Variants in LOC400499 observed in about 807,000 individuals in gnomAD.
chr16:11,383,657 GGGCCAGGGGTAC>G, the LOC400499 span: 1 of 1,232,274 alleles, frequency 8.1e-7, no homozygotes, highest in South Asian at 4.1e-5. Flanking sequence ...TGTGGAGGAG[GGGCCAGGGGTAC>G]GAATCCACGG....
the LOC400499 span, among the ~76,000 whole-genome samples, chr16:11,402,566 A>C: frequency 3.3e-5 from 5 of 152,304 alleles, no homozygotes; most frequent in East Asian, 9.7e-4. Flanking sequence ...CATGAGAACA[A>C]ACCCTGCTGG....
the LOC400499 span, chr16:11,516,100 G>A: frequency 5.0e-6 from 2 of 399,392 alleles, no homozygotes; most frequent in Non-Finnish European, 8.8e-6. Flanking sequence ...CAACCTTCTG[G>A]CCACCTCTAC....
chr16:11,381,381 G>A, the LOC400499 span, among the ~76,000 whole-genome samples: 2 of 152,040 alleles, frequency 1.3e-5, no homozygotes, highest in Non-Finnish European at 2.9e-5. Flanking sequence ...GAGTACAAGT[G>A]TGAGCCACCA....
At chr16:11,492,152 C>A in the LOC400499 span, among the ~76,000 whole-genome samples, 2 of 152,210 alleles carry the variant, frequency 1.3e-5, no homozygotes, top group Admixed American at 6.5e-5. Context: ...TCTCGCCACA[C>A]AGGAGGCCTT....
the LOC400499 span, chr16:11,392,353 C>A: frequency 5.0e-6 from 2 of 399,022 alleles, no homozygotes; most frequent in South Asian, 2.5e-4. Context: ...GGCAGCCGCG[C>A]GCGGCCAGCA....
the LOC400499 span, chr16:11,460,183 A>AC: frequency 2.5e-6 from 2 of 807,812 alleles, no homozygotes; most frequent in Admixed American, 4.0e-5. Context: ...AGAAAGCACT[A>AC]TTTTTTTTTA....
At chr16:11,397,107 G>A in the LOC400499 span, among the ~76,000 whole-genome samples, 1 of 152,138 alleles carries the variant, frequency 6.6e-6, no homozygotes, top group Non-Finnish European at 1.5e-5. Flanking sequence ...ACTGGAATGC[G>A]CCACCCAGGA....
At chr16:11,446,552 T>G in the LOC400499 span, 4 of 1,535,926 alleles carry the variant, frequency 2.6e-6, no homozygotes, top group Admixed American at 5.9e-5. Context: ...GCTCTTACCG[T>G]GTGCTGATTC....
At chr16:11,416,167 C>A in the LOC400499 span, among the ~76,000 whole-genome samples, 1 of 151,958 alleles carries the variant, frequency 6.6e-6, no homozygotes, top group Non-Finnish European at 1.5e-5. Flanking sequence ...CCAGGCTAGT[C>A]TCGAACTCCT....
chr16:11,382,919 C>T, the LOC400499 span, among the ~76,000 whole-genome samples: 1 of 147,298 alleles, frequency 6.8e-6, no homozygotes, highest in Non-Finnish European at 1.5e-5. Context: ...AAAGGAGCAC[C>T]TGAGGCTGGG....
At chr16:11,449,244 C>T in the LOC400499 span, 1 of 741,948 alleles carries the variant, frequency 1.3e-6, no homozygotes, top group Non-Finnish European at 1.9e-6. Flanking sequence ...TCTCTGACGC[C>T]TAACCTGACT....
the LOC400499 span, among the ~76,000 whole-genome samples, chr16:11,480,897 A>G: frequency 6.6e-6 from 1 of 152,232 alleles, no homozygotes. Context: ...AGTCAGACAC[A>G]AAAAGAAGTA....
chr16:11,488,916 G>C, the LOC400499 span: 11 of 398,466 alleles, frequency 2.8e-5, no homozygotes, highest in Non-Finnish European at 4.9e-5. Context: ...GAAAGGGCCA[G>C]GAGCTGGCGC....
At chr16:11,453,121 T>C in the LOC400499 span, among the ~76,000 whole-genome samples, 1 of 151,990 alleles carries the variant, frequency 6.6e-6, no homozygotes, top group Admixed American at 6.6e-5. Flanking sequence ...TCCAGGAGAG[T>C]CAAGAGGTGG....
At chr16:11,457,815 CA>C in the LOC400499 span, among the ~76,000 whole-genome samples, 1 of 152,162 alleles carries the variant, frequency 6.6e-6, no homozygotes, top group Non-Finnish European at 1.5e-5. Context: ...TCTATACAGA[CA>C]ATGGAGTATT....
At chr16:11,520,649 AGAGT>A in the LOC400499 span, among the ~76,000 whole-genome samples, 13 of 143,356 alleles carry the variant, frequency 9.1e-5, no homozygotes, top group Non-Finnish European at 1.5e-4. Flanking sequence ...CCTGGGCGAC[AGAGT>A]GAGACTCCAT....
chr16:11,383,626 G>C, the LOC400499 span: 1 of 1,232,290 alleles, frequency 8.1e-7, no homozygotes. Context: ...AGTGCTAGAT[G>C]GCTGGGGCAG....
chr16:11,464,904 G>T, the LOC400499 span, among the ~76,000 whole-genome samples: 1 of 152,208 alleles, frequency 6.6e-6, no homozygotes, highest in East Asian at 1.9e-4. Flanking sequence ...TGAAAATGAG[G>T]CATAAGTCTC....
At chr16:11,498,290 G>C in the LOC400499 span, among the ~76,000 whole-genome samples, 4 of 152,260 alleles carry the variant, frequency 2.6e-5, no homozygotes, top group African/African-American at 9.6e-5. Flanking sequence ...AGATAAGCCT[G>C]GCCAACATGG....
Sources: gnomAD v4.1 joint callset for allele counts (sites outside exome capture counted in the v4.1 genomes callset) on GRCh38, gnomAD v4.1.1 for gene constraint, MANE v1.5 for transcripts.